PRKN: variants seen among roughly 807,000 people sequenced by gnomAD.
PRKN encodes E3 ubiquitin-protein ligase parkin.
Under a neutral mutation model 59.5 loss-of-function variants are expected in PRKN, and 56 were observed. The ratio of observed to expected loss-of-function variants is 0.94; its 90% CI spans 0.76 to 1.18. The LOEUF is 1.18. PRKN is among the 50% of genes most tolerant of loss of function. PRKN has a pLI of 0.00. For synonymous variants in PRKN, 250 were observed against 222.1 expected, an observed-to-expected ratio of 1.13 and a Z score of -1.12; for missense variants, 657 against 596.4, an observed-to-expected ratio of 1.10 and a Z score of -1.06.
intron 9 of PRKN, among the ~76,000 whole-genome samples, chr6:161,443,374 CTG>C (rs1418975186): frequency 1.3e-5 from 2 of 151,854 alleles, no homozygotes; most frequent in Non-Finnish European, 2.9e-5. Context: ...TACTATGTCA[CTG>C]TGACTTACCA....
intron 7 of PRKN, among the ~76,000 whole-genome samples, chr6:161,629,485 A>C (rs1371969272): frequency 6.6e-6 from 1 of 152,032 alleles, no homozygotes; most frequent in Non-Finnish European, 1.5e-5. Context: ...TCACCGTTTA[A>C]CAGGCATCCA....
At chr6:162,655,165 G>A (rs80148088) in intron 1 of PRKN, among the ~76,000 whole-genome samples, 1 of 151,974 alleles carries the variant, frequency 6.6e-6, no homozygotes, top group South Asian at 2.1e-4. Context: ...TTGGCATTCT[G>A]ATCTACAATA....
At chr6:162,503,136 C>CTTTTGTTTTTTTTT (rs1793446458) in intron 1 of PRKN, among the ~76,000 whole-genome samples, 1 of 81,120 alleles carries the variant, frequency 1.2e-5, no homozygotes, top group Non-Finnish European at 2.3e-5. Context: ...GTCTTCATTT[C>CTTTTGTTTTTTTTT]TTTTTTTTTT....
intron 1 of PRKN, among the ~76,000 whole-genome samples, chr6:162,638,648 T>A (rs1160960851): frequency 1.3e-5 from 2 of 151,702 alleles, no homozygotes; most frequent in Non-Finnish European, 2.9e-5. Flanking sequence ...CATTCTTCCA[T>A]AAAAAACTTT....
intron 2 of PRKN, among the ~76,000 whole-genome samples, chr6:162,287,976 C>T (rs1371663112): frequency 6.6e-6 from 1 of 152,126 alleles, no homozygotes; most frequent in East Asian, 1.9e-4. Context: ...CTCCATGACC[C>T]ACAATTTTCC....
chr6:161,680,755 ATATATATATATATATATATATT>A (rs1348941490), intron 7 of PRKN, among the ~76,000 whole-genome samples: 1,477 of 18,024 alleles, frequency 0.082, 85 homozygotes, highest in East Asian at 0.17. Context: ...ATATATATAT[ATATATATATATATATATATATT>A]TTTTTTTTTT....
chr6:162,087,619 G>A (rs1187647622), intron 4 of PRKN, among the ~76,000 whole-genome samples: 4 of 134,478 alleles, frequency 3.0e-5, no homozygotes, highest in Middle Eastern at 4.2e-3. Context: ...TTCTGAGACG[G>A]AGTCTCGCTC....
In PRKN at chr6:162,070,497, G is replaced by A. The variant is rs190735231; in HGVS notation, c.535-16323C>T. 9.2e-5 allele frequency among the ~76,000 whole-genome samples: 14 copies of A among 152,262 alleles called. No homozygotes were observed. The East Asian group carries it at 2.5e-3, about 27-fold the overall frequency. On this transcript the variant is annotated intron_variant, in intron 4 of 11. Coordinates refer to ENST00000366898, the MANE Select transcript of PRKN (RefSeq NM_004562.3). ...TTCAACGTGGCTCTTTTGCATGGCCGAGTGGATGCTGAATATAAGCTGAGG... is the reference window on the plus strand; with the variant it reads ...TTCAACGTGGCTCTTTTGCATGGCCAAGTGGATGCTGAATATAAGCTGAGG...
chr6:162,629,701 G>GAT (rs771326382), intron 1 of PRKN, among the ~76,000 whole-genome samples: 4 of 152,026 alleles, frequency 2.6e-5, no homozygotes, highest in Non-Finnish European at 4.4e-5. Context: ...AACAGTTTCT[G>GAT]ATATAGAAAG....
At chr6:162,146,366 T>C (rs1221041051) in intron 4 of PRKN, among the ~76,000 whole-genome samples, 4 of 152,044 alleles carry the variant, frequency 2.6e-5, no homozygotes, top group South Asian at 2.1e-4. Flanking sequence ...GTAAATTTTA[T>C]GTTAACAAAA....
At chr6:162,356,082 G>A (rs1386926704) in intron 2 of PRKN, among the ~76,000 whole-genome samples, 1 of 152,018 alleles carries the variant, frequency 6.6e-6, no homozygotes, top group Non-Finnish European at 1.5e-5. Context: ...CTTTACACCT[G>A]CCACATTCAG....
intron 6 of PRKN, among the ~76,000 whole-genome samples, chr6:161,970,146 G>A (rs574632049): frequency 1.3e-5 from 2 of 152,094 alleles, no homozygotes; most frequent in East Asian, 1.9e-4. Flanking sequence ...GGCTCAAGCC[G>A]TTCTCCTGCC....
rs546449798 is a variant in PRKN, at chr6:161,924,347, A to G, written c.734+48955T>C. Among the ~76,000 whole-genome samples the G allele has an allele frequency of 5.3e-5, 8 of 152,308 alleles. No individual in the cohort carries two copies. In the South Asian group the frequency reaches 1.5e-3, roughly 28 times the overall value. On this transcript the variant is annotated intron_variant, in intron 6 of 11. Coordinates refer to ENST00000366898, the MANE Select transcript of PRKN (RefSeq NM_004562.3). Reference sequence around the variant, plus strand: ...CAGACTGTGTGCTTAGGTACCCTGCATTAAAATGACCTACTATAATTTACT... The same window carrying G: ...CAGACTGTGTGCTTAGGTACCCTGCGTTAAAATGACCTACTATAATTTACT...
Position 162,182,434 on chromosome 6 carries a change from G to A in PRKN, c.534+18697C>T, listed in dbSNP as rs964739777. 6.6e-5 allele frequency among the ~76,000 whole-genome samples: 10 copies of A among 152,284 alleles called. No individual in the cohort carries two copies. The East Asian group carries it at 1.2e-3, about 18-fold the overall frequency. The stretch of plus-strand genomic sequence containing the variant: ...TGGCACTAGCTGTAGTTGCCGTCAG[G>A]CTGAAGCCTGTCTATGGAACTGGGC... On this transcript the variant is annotated intron_variant, in intron 4 of 11. Coordinates refer to ENST00000366898, the MANE Select transcript of PRKN (RefSeq NM_004562.3).
At chr6:162,216,710 G>A (rs1417714867) in intron 3 of PRKN, among the ~76,000 whole-genome samples, 1 of 151,978 alleles carries the variant, frequency 6.6e-6, no homozygotes, top group Non-Finnish European at 1.5e-5. Flanking sequence ...AAGCCACACG[G>A]CCACACAGCC....
At chr6:162,086,814 T>C (rs902753205) in intron 4 of PRKN, among the ~76,000 whole-genome samples, 1 of 152,208 alleles carries the variant, frequency 6.6e-6, no homozygotes, top group South Asian at 2.1e-4. Context: ...CTGGTTAGAA[T>C]GTAAGTTCCT....
chr6:162,200,566 C>T (rs1209935024), intron 4 of PRKN, among the ~76,000 whole-genome samples: 1 of 152,184 alleles, frequency 6.6e-6, no homozygotes, highest in Non-Finnish European at 1.5e-5. Context: ...TAAAAACCAA[C>T]TTTGCGTCAG....
chr6:161,563,393 T>C (rs1780525807), intron 8 of PRKN, among the ~76,000 whole-genome samples: 1 of 152,190 alleles, frequency 6.6e-6, no homozygotes, highest in Admixed American at 6.5e-5. Context: ...GAGGTACTTC[T>C]GAAATGCAAT....
At position 161,662,827 on chromosome 6, in the gene PRKN, A is replaced by C. The variant is rs796192408; in HGVS notation, c.872-93411T>G. 2.2e-4 allele frequency among the ~76,000 whole-genome samples: 33 copies of C among 152,248 alleles called. 1 individual carries two copies. The highest frequency in any genetic ancestry group is 7.2e-4 in the African/African-American group (30 of 41,540). On this transcript the variant is annotated intron_variant, in intron 7 of 11. Transcript: ENST00000366898. ...GCAGGGTCTAATCGAACACATGAGG[A>C]TATCTGTGGTGAAATACATGAACAT...
Sources: gnomAD v4.1 joint callset for allele counts (sites outside exome capture counted in the v4.1 genomes callset) on GRCh38, gnomAD v4.1.1 for gene constraint, MANE v1.5 for transcripts, NCBI Gene and HGNC (gene_info 2026-07-23, HGNC 2026-07-21) for gene names.